SSH1: variants seen among roughly 807,000 people sequenced by gnomAD.
SSH1 encodes the protein protein phosphatase Slingshot homolog 1.
In SSH1, 43 loss-of-function variants were observed where a neutral mutation model predicts 79.7. That is an observed-to-expected ratio of 0.54 (90% CI 0.42 to 0.70). The LOEUF (loss-of-function observed/expected upper bound fraction) is 0.70. SSH1 is among the 30% of genes least tolerant of loss of function. The probability of loss-of-function intolerance (pLI) is 0.00; values close to 1 mark genes in which losing one functional copy is unlikely to be tolerated. For missense variants in SSH1, 1,206 were observed against 1,358.8 expected (o/e 0.89, Z 1.77); for synonymous variants, 599 against 538.3 (o/e 1.11, Z -1.56).
At chr12:108,798,388 G>C (rs1424327222) in intron 13 of SSH1, among the ~76,000 whole-genome samples, 1 of 152,196 alleles carries the variant, frequency 6.6e-6, no homozygotes, top group East Asian at 1.9e-4. Flanking sequence ...ATGCAGGCTG[G>C]AGTCCAGTAG....
intron 2 of SSH1, 63 bp from the exon 3 acceptor site, chr12:108,823,424 T>C: frequency 1.5e-6 from 2 of 1,360,998 alleles, no homozygotes; most frequent in East Asian, 2.5e-5. Flanking sequence ...GGACAAAGAA[T>C]TACTGCAGGG....
rs2036314740 is a variant in SSH1, at chr12:108,787,520, TG to T, written c.*467del. ...CCCTGGAACAAGCCTTGGTCATTCG[TG>T]TGTTTTAAAAATAAAAAGCGCAGCG... On this transcript the variant is annotated 3_prime_UTR_variant, in exon 15 of 15. Coordinates refer to ENST00000326495, the MANE Select transcript of SSH1 (RefSeq NM_018984.4). 5.8e-6 allele frequency: 1 copy of T among 171,086 alleles called. No individual in the cohort carries two copies. Among genetic ancestry groups the T allele is most frequent in the African/African-American group, 2.4e-5 (1 of 41,830 alleles). The allele number at this position is 171,086 out of a possible 1,614,324, so 10.6% of individuals were successfully genotyped here. A position where few individuals can be genotyped will look rare whatever the true frequency, so the allele number is the denominator to read the frequency against.
chr12:108,794,235 G>A (rs1247320362), intron 13 of SSH1, among the ~76,000 whole-genome samples: 1 of 152,234 alleles, frequency 6.6e-6, no homozygotes, highest in African/African-American at 2.4e-5. Flanking sequence ...GACTGGAAAG[G>A]GAACCGGGAG....
intron 1 of SSH1, chr12:108,853,402 A>C: frequency 6.3e-6 from 6 of 949,198 alleles, no homozygotes; most frequent in Middle Eastern, 5.4e-4. Context: ...ACACCCCCCA[A>C]ACAACTCCGC....
chr12:108,845,987 A>G lies in SSH1; in HGVS notation c.110+6651T>C, dbSNP rs538491401. ...GGGAAGCATGGTCTGCAGGGCAATG[A>G]CATGCCAACCCCCATCCACTCTGAC... On this transcript the variant is annotated intron_variant, in intron 2 of 14. Coordinates refer to ENST00000326495, the MANE Select transcript of SSH1 (RefSeq NM_018984.4). 2.5e-4 allele frequency among the ~76,000 whole-genome samples: 38 copies of G among 152,356 alleles called. No individual in the cohort carries two copies. In the Middle Eastern group the frequency reaches 0.01, roughly 41 times the overall value.
Position 108,779,639 on chromosome 12 carries a change from GA to G in SSH1, c.*8348del, listed in dbSNP as rs2036128086. ...TCCCAAGGTAGTCCAAAGAGTTCAA[GA>G]AAGTTAGAAAAAGGACTCTCCTCTA... is the stretch of plus-strand genomic sequence containing the variant. On this transcript the variant is annotated 3_prime_UTR_variant, in exon 15 of 15. Coordinates refer to ENST00000326495, the MANE Select transcript of SSH1 (RefSeq NM_018984.4). 1 of 151,966 alleles carries G rather than the reference GA, an allele frequency of 6.6e-6. No homozygotes were observed. The highest frequency in any genetic ancestry group is 2.1e-4 in the South Asian group (1 of 4,818). The allele number at this position is 151,966 out of a possible 1,614,324, so 9.4% of individuals were successfully genotyped here.
chr12:108,840,225 C>T (rs566284510), intron 2 of SSH1, among the ~76,000 whole-genome samples: 5 of 152,128 alleles, frequency 3.3e-5, no homozygotes, highest in East Asian at 1.9e-4. Flanking sequence ...TCGCTCAGTT[C>T]GCTTTGAAAA....
At chr12:108,818,358 C>T in intron 3 of SSH1, 45 bp from the exon 4 acceptor site, 3 of 1,578,080 alleles carry the variant, frequency 1.9e-6, no homozygotes, top group Non-Finnish European at 1.7e-6. Flanking sequence ...CTTACCTACT[C>T]TCTAGGAAAA....
At chr12:108,812,864 C>CT (rs11320530) in intron 5 of SSH1, among the ~76,000 whole-genome samples, 1,869 of 137,870 alleles carry the variant, frequency 0.014, 22 homozygotes, top group Non-Finnish European at 0.016. Flanking sequence ...TTTTTCTTTT[C>CT]TTTTTTTTTT....
intron 3 of SSH1, among the ~76,000 whole-genome samples, chr12:108,819,366 C>T (rs2038029192): frequency 1.3e-5 from 2 of 152,336 alleles, no homozygotes; most frequent in South Asian, 2.1e-4. Context: ...TCGCGCGAAG[C>T]AGAGACCCTG....
At chr12:108,849,410 A>C (rs1566020771) in intron 2 of SSH1, among the ~76,000 whole-genome samples, 1 of 151,940 alleles carries the variant, frequency 6.6e-6, no homozygotes, top group Non-Finnish European at 1.5e-5. Context: ...TAAAAAAATT[A>C]GCCAGGTGTG....
At chr12:108,834,050 C>A (rs1490232797) in intron 2 of SSH1, 2 of 152,248 alleles carry the variant, frequency 1.3e-5, no homozygotes, top group Non-Finnish European at 2.9e-5. Flanking sequence ...TGGGTTGCCA[C>A]AATTAGCCAT....
rs1033173321 is a variant in SSH1, at chr12:108,808,672, A to G, written c.537-845T>C. On this transcript the variant is annotated intron_variant, in intron 7 of 14. Transcript: ENST00000326495. The stretch of plus-strand genomic sequence containing the variant: ...TTACATTTCCACCCATCCCCCCATC[A>G]ACATTCTAATAGCTTAGATGCTTAG... 3.9e-5 allele frequency among the ~76,000 whole-genome samples: 6 copies of G among 152,178 alleles called. 1 individual carries two copies. Among genetic ancestry groups the G allele is most frequent in the African/African-American group, 1.4e-4 (6 of 41,428 alleles).
chr12:108,853,935 AAAGCGTACACCAG>A (rs925504197), intron 1 of SSH1, among the ~76,000 whole-genome samples: 2 of 152,026 alleles, frequency 1.3e-5, no homozygotes, highest in African/African-American at 4.8e-5. Flanking sequence ...AAAAAAAAAA[AAAGCGTACACCAG>A]AGGGCCTGGG....
At chr12:108,815,838 G>C (rs2037860119) in intron 5 of SSH1, among the ~76,000 whole-genome samples, 1 of 152,268 alleles carries the variant, frequency 6.6e-6, no homozygotes, top group Admixed American at 6.5e-5. Context: ...GTACTGCGGG[G>C]GTGGGGGCCA....
Position 108,819,781 on chromosome 12 carries a change from C to T in SSH1, c.215-1468G>A, listed in dbSNP as rs925840482. 5.9e-5 allele frequency among the ~76,000 whole-genome samples: 9 copies of T among 152,022 alleles called. No homozygotes were observed. The South Asian group carries it at 6.2e-4, about 11-fold the overall frequency. ...GAGTTTGAGATCACCCTGGGCAACA[C>T]GATAAGACCCTGTCTCTACAAAGGA... On this transcript the variant is annotated intron_variant, in intron 3 of 14. Coordinates refer to ENST00000326495, the MANE Select transcript of SSH1 (RefSeq NM_018984.4).
intron 3 of SSH1, among the ~76,000 whole-genome samples, chr12:108,820,160 G>C (rs1056425274): frequency 6.6e-6 from 1 of 152,044 alleles, no homozygotes; most frequent in Admixed American, 6.5e-5. Context: ...TTATAGGCAT[G>C]AGCCACCAAA....
intron 9 of SSH1, 45 bp from the exon 10 acceptor site, chr12:108,805,229 C>T (rs1466818823): frequency 3.8e-6 from 6 of 1,596,124 alleles, no homozygotes; most frequent in Non-Finnish European, 5.1e-6. Flanking sequence ...TTAAAGAAAA[C>T]AATCGTCCAC....
At chr12:108,815,585 C>T (rs1030032859) in intron 5 of SSH1, among the ~76,000 whole-genome samples, 2 of 152,238 alleles carry the variant, frequency 1.3e-5, no homozygotes, top group African/African-American at 2.4e-5. Context: ...CAGAACCGTA[C>T]AGATAATGGC....
Sources: allele counts gnomAD v4.1 joint callset (sites outside exome capture counted in the v4.1 genomes callset), GRCh38; gene constraint gnomAD v4.1.1; transcripts MANE v1.5; gene names NCBI Gene and HGNC (gene_info 2026-07-23, HGNC 2026-07-21).